AGBL4: variants seen among roughly 807,000 people sequenced by gnomAD.
AGBL4 encodes the protein cytosolic carboxypeptidase 6.
AGBL4 carries 58 observed loss-of-function variants against 66.4 expected under a neutral mutation model. That is an observed-to-expected ratio of 0.87 (90% CI 0.71 to 1.09). The LOEUF (loss-of-function observed/expected upper bound fraction) is 1.09, where lower values mean the gene tolerates loss of function less well. Ranked by LOEUF, AGBL4 falls within the 50% of genes least tolerant of loss-of-function variation. The pLI is 0.00. For synonymous variants in AGBL4, 234 were observed against 222.9 expected (o/e 1.05, Z -0.44); for missense variants, 579 against 631.0 (o/e 0.92, Z 0.88).
At chr1:49,241,320 A>G (rs1369139838) in intron 4 of AGBL4, among the ~76,000 whole-genome samples, 1 of 151,812 alleles carries the variant, frequency 6.6e-6, no homozygotes, top group Non-Finnish European at 1.5e-5. Context: ...CTCTCCAATC[A>G]CTTTCTCCTC....
At chr1:49,697,200 G>A in intron 3 of AGBL4, 113 bp downstream of exon 3, 1 of 1,222,774 alleles carries the variant, frequency 8.2e-7, no homozygotes. Context: ...TCATTGCTGT[G>A]GATAAACAAG....
At chr1:48,644,463 G>A (rs561220155) in intron 8 of AGBL4, among the ~76,000 whole-genome samples, 6 of 152,304 alleles carry the variant, frequency 3.9e-5, no homozygotes, top group South Asian at 2.1e-4. Flanking sequence ...AGGGCAGCGC[G>A]GGGGCCAAGC....
chr1:49,275,356 T>TTC (rs1182197072), intron 3 of AGBL4, among the ~76,000 whole-genome samples: 1 of 152,124 alleles, frequency 6.6e-6, no homozygotes, highest in African/African-American at 2.4e-5. Flanking sequence ...CACCAGTTTG[T>TTC]ACAGGTATTA....
At chr1:49,677,679 A>G (rs1407912871) in intron 3 of AGBL4, among the ~76,000 whole-genome samples, 3 of 152,088 alleles carry the variant, frequency 2.0e-5, no homozygotes, top group Non-Finnish European at 2.9e-5. Flanking sequence ...GTGACCCCCA[A>G]AATTAGTATT....
At chr1:49,753,540 T>C (rs1047569929) in intron 2 of AGBL4, among the ~76,000 whole-genome samples, 11 of 152,182 alleles carry the variant, frequency 7.2e-5, no homozygotes, top group Non-Finnish European at 1.2e-4. Flanking sequence ...CTGACAATTA[T>C]GTGTCTTGGG....
intron 9 of AGBL4, 105 bp from the exon 10 acceptor site, chr1:48,591,090 ACCC>A: frequency 1.9e-6 from 1 of 525,618 alleles, no homozygotes; most frequent in Non-Finnish European, 2.9e-6. Context: ...ACACCCACCC[ACCC>A]CCCCCCACAC....
intron 5 of AGBL4, among the ~76,000 whole-genome samples, chr1:49,043,131 G>A (rs953163454): frequency 6.6e-6 from 1 of 152,002 alleles, no homozygotes. Context: ...TCTCAAATAA[G>A]CTCACTGTTC....
intron 5 of AGBL4, among the ~76,000 whole-genome samples, chr1:48,969,301 C>A (rs903979332): frequency 6.6e-6 from 1 of 152,228 alleles, no homozygotes; most frequent in African/African-American, 2.4e-5. Context: ...CATGTTATCC[C>A]TCTGCCTGTT....
intron 4 of AGBL4, among the ~76,000 whole-genome samples, chr1:49,121,709 C>T (rs1045201893): frequency 3.9e-5 from 6 of 152,222 alleles, no homozygotes; most frequent in Non-Finnish European, 7.3e-5. Flanking sequence ...AGAGCCCAAA[C>T]GCCATGCTGG....
At chr1:49,809,672 A>T (rs1490934027) in intron 2 of AGBL4, among the ~76,000 whole-genome samples, 1 of 152,198 alleles carries the variant, frequency 6.6e-6, no homozygotes, top group Non-Finnish European at 1.5e-5. Flanking sequence ...AATTGTTCTT[A>T]CCACAATAAA....
intron 4 of AGBL4, among the ~76,000 whole-genome samples, chr1:49,234,101 C>T (rs1650532281): frequency 6.6e-6 from 1 of 152,088 alleles, no homozygotes; most frequent in Non-Finnish European, 1.5e-5. Flanking sequence ...TGAAAGTTGC[C>T]CTGTCCATCT....
chr1:48,779,704 C>CTTTTTTTTTTTT (rs200375125), intron 6 of AGBL4, among the ~76,000 whole-genome samples: 2 of 137,182 alleles, frequency 1.5e-5, no homozygotes. Flanking sequence ...CTGTTCCTCT[C>CTTTTTTTTTTTT]TTTTTTTTTT....
chr1:48,588,594 A>C (rs1390957036), intron 10 of AGBL4, among the ~76,000 whole-genome samples: 1 of 152,154 alleles, frequency 6.6e-6, no homozygotes, highest in Non-Finnish European at 1.5e-5. Context: ...AGGAAGAAGG[A>C]AAAGAGATAA....
At chr1:49,794,575 G>C (rs28393899) in intron 2 of AGBL4, among the ~76,000 whole-genome samples, 60,833 of 151,622 alleles carry the variant, frequency 0.4, 15,540 homozygotes, top group Non-Finnish European at 0.57. Flanking sequence ...ACTGCCACAA[G>C]TATTGAGAAA....
At chr1:49,255,492 T>TATCA (rs746574536) in intron 3 of AGBL4, among the ~76,000 whole-genome samples, 21 of 152,070 alleles carry the variant, frequency 1.4e-4, no homozygotes, top group Non-Finnish European at 2.9e-4. Context: ...TCAGAATGGC[T>TATCA]ATCATTAAAA....
intron 2 of AGBL4, among the ~76,000 whole-genome samples, chr1:49,753,433 A>T (rs1201136905): frequency 6.6e-6 from 1 of 152,122 alleles, no homozygotes; most frequent in Admixed American, 6.6e-5. Context: ...TCTGCAGAGG[A>T]TCCCCTGTTA....
intron 3 of AGBL4, among the ~76,000 whole-genome samples, chr1:49,329,210 G>T (rs1645281924): frequency 6.6e-6 from 1 of 152,094 alleles, no homozygotes; most frequent in South Asian, 2.1e-4. Flanking sequence ...AGGAGGTTGA[G>T]GCATGAGAAT....
At chr1:49,162,500 T>C (rs991145008) in intron 4 of AGBL4, among the ~76,000 whole-genome samples, 4 of 152,244 alleles carry the variant, frequency 2.6e-5, no homozygotes, top group African/African-American at 7.2e-5. Context: ...GGTATTTACT[T>C]GTTCTTGCCT....
At chr1:48,689,219 A>AAAAAGAAAAGAAAAGAAAAGAAAAG (rs1174074579) in intron 6 of AGBL4, among the ~76,000 whole-genome samples, 50 of 141,570 alleles carry the variant, frequency 3.5e-4, no homozygotes, top group African/African-American at 1.5e-3. Flanking sequence ...AAAAAAAAAA[A>AAAAAGAAAAGAAAAGAAAAGAAAAG]AAAAGAAAAG....
Sources: gnomAD v4.1 joint callset for allele counts (sites outside exome capture counted in the v4.1 genomes callset) on GRCh38, gnomAD v4.1.1 for gene constraint, MANE v1.5 for transcripts, NCBI Gene and HGNC (gene_info 2026-07-23, HGNC 2026-07-21) for gene names.